The following LAMC1 variants were observed in gnomAD, a reference collection of about 807,000 sequenced individuals.
LAMC1 encodes the protein laminin subunit gamma-1.
Under a neutral mutation model 173.6 loss-of-function variants are expected in LAMC1, and 38 were observed. The observed-to-expected ratio is 0.22, with a 90% CI of 0.17 to 0.29. The LOEUF (loss-of-function observed/expected upper bound fraction) is 0.29. LAMC1 is among the 10% of genes least tolerant of loss of function. The pLI, the probability that LAMC1 is intolerant of heterozygous loss-of-function variation, is 1.00. For synonymous variants in LAMC1, 746 were observed against 749.1 expected (o/e 1.00, Z 0.07); for missense variants, 1,824 against 2,051.8 (o/e 0.89, Z 2.14).
chr1:183,077,776 G>GTGTGTGTGTGTGTGTGTGTATA, intron 1 of LAMC1, among the ~76,000 whole-genome samples: 2 of 116,522 alleles, frequency 1.7e-5, no homozygotes, highest in African/African-American at 5.8e-5. Context: ...TGGCCATTGT[G>GTGTGTGTGTGTGTGTGTGTATA]TATATATATA....
chr1:183,081,584 ATAAATAAAT>A (rs1312817046), intron 1 of LAMC1, among the ~76,000 whole-genome samples: 2 of 151,314 alleles, frequency 1.3e-5, no homozygotes, highest in Non-Finnish European at 2.9e-5. Flanking sequence ...AAATAAATAA[ATAAATAAAT>A]AAATAAATAA....
At chr1:183,096,464 G>C (rs530753887) in intron 1 of LAMC1, 2 of 152,220 alleles carry the variant, frequency 1.3e-5, no homozygotes, top group East Asian at 1.9e-4. Flanking sequence ...ATAGAATTGA[G>C]ACTTTCCATA....
chr1:183,038,879 G>A (rs1018381310), intron 1 of LAMC1, among the ~76,000 whole-genome samples: 1 of 151,884 alleles, frequency 6.6e-6, no homozygotes, highest in Non-Finnish European at 1.5e-5. Context: ...AAAATATTTG[G>A]CTAACTAGAA....
intron 18 of LAMC1, among the ~76,000 whole-genome samples, chr1:183,129,134 G>A (rs1656711587): frequency 7.3e-6 from 1 of 137,372 alleles, no homozygotes; most frequent in African/African-American, 2.8e-5. Context: ...TGCCCAGGCT[G>A]GAGTGCAGTG....
chr1:183,082,026 T>TA (rs2102051316), intron 1 of LAMC1, among the ~76,000 whole-genome samples: 1 of 152,354 alleles, frequency 6.6e-6, no homozygotes, highest in East Asian at 1.9e-4. Context: ...TTCATCTACT[T>TA]ATATGCATTT....
intron 1 of LAMC1, among the ~76,000 whole-genome samples, chr1:183,077,691 A>G (rs545902758): frequency 4.0e-5 from 6 of 149,760 alleles, no homozygotes; most frequent in Non-Finnish European, 7.4e-5. Context: ...CACTTAGAAT[A>G]AGAGTCTTCA....
At chr1:183,117,791 T>A in intron 10 of LAMC1, 68 bp downstream of exon 10, 1 of 1,367,050 alleles carries the variant, frequency 7.3e-7, no homozygotes, top group Non-Finnish European at 1.0e-6. Context: ...TATTTAAGTT[T>A]AACTGGCCTC....
rs563752886 is a variant in LAMC1 at position 183,077,171 on chromosome 1, C to CT, written c.419-26148dup. Among the ~76,000 whole-genome samples, 911 of 151,380 alleles carry CT rather than the reference C, an allele frequency of 6.0e-3. 26 individuals carry two copies. The highest frequency in any genetic ancestry group is 0.051 in the Admixed American group (776 of 15,174). ...AACCCAACTTGCCCCTGCATTTCTC[C>CT]TTTTTTTTTGAAAAGCATGGATGCT... is the stretch of plus-strand genomic sequence containing the variant. On this transcript the variant is annotated intron_variant, in intron 1 of 27. Coordinates refer to ENST00000258341, the MANE Select transcript of LAMC1 (RefSeq NM_002293.4).
rs1370745120 is a variant in LAMC1 at position 183,143,612 on chromosome 1, A to T, written c.*822A>T. 1 of 152,314 alleles carries T rather than the reference A, an allele frequency of 6.6e-6. No individual in the cohort carries two copies. The highest frequency in any genetic ancestry group is 1.9e-4 in the East Asian group (1 of 5,206). The allele number at this position is 152,314 out of a possible 1,614,324, so 9.4% of individuals were successfully genotyped here. ...TGGAACTTACACAGAAGAAATAGGG[A>T]TATGATAACCACTAAAATTTTGTTT... On this transcript the variant is annotated 3_prime_UTR_variant, in exon 28 of 28. Coordinates refer to ENST00000258341, the MANE Select transcript of LAMC1 (RefSeq NM_002293.4).
At chr1:183,047,247 C>T (rs1457894273) in intron 1 of LAMC1, among the ~76,000 whole-genome samples, 2 of 152,092 alleles carry the variant, frequency 1.3e-5, no homozygotes, top group South Asian at 2.1e-4. Flanking sequence ...TTGATTAATA[C>T]ATGTATTTCC....
rs796592939 is a variant in LAMC1, at chr1:183,077,772, T to TTGTGTGTGTGTGTGTGTG, written c.419-25551_419-25550insGTGTGTGTGTGTGTGTGT. On this transcript the variant is annotated intron_variant, in intron 1 of 27. Transcript: ENST00000258341. The stretch of plus-strand genomic sequence containing the variant: ...TGGCTGAATAGTATTTTTATGGCCA[T>TTGTGTGTGTGTGTGTGTG]TGTGTATATATATATATATATATAC... 1.2e-3 allele frequency among the ~76,000 whole-genome samples: 92 copies of TTGTGTGTGTGTGTGTGTG among 78,368 alleles called. 1 individual carries two copies. Among genetic ancestry groups the TTGTGTGTGTGTGTGTGTG allele is most frequent in the African/African-American group, 3.1e-3 (89 of 28,320 alleles). 51.4% of individuals were successfully genotyped at this position (78,368 alleles called of 152,430 possible).
Position 183,024,041 on chromosome 1 carries a change from TACA to T in LAMC1, c.331_333del (p.Asn111del), listed in dbSNP as rs1337846423. On this transcript the variant is annotated inframe_deletion, in exon 1 of 28. Transcript: ENST00000258341. ...GCACGGGGCAGCCTTCCTGACCGAC[TACA>T]ACAACCAGGCCGACACCACCTGGTG... The T allele has an allele frequency of 3.7e-6, 6 of 1,612,800 alleles. No homozygotes were observed. The highest frequency in any genetic ancestry group is 5.1e-6 in the Non-Finnish European group (6 of 1,179,730).
intron 1 of LAMC1, among the ~76,000 whole-genome samples, chr1:183,025,086 C>G (rs534876837): frequency 6.6e-6 from 1 of 152,228 alleles, no homozygotes; most frequent in Admixed American, 6.5e-5. Context: ...TGACTTAACA[C>G]TTCACTCCCC....
chr1:183,140,245 C>CAA (rs56152259), intron 26 of LAMC1, among the ~76,000 whole-genome samples, 159 bp from the exon 27 acceptor site: 960 of 52,886 alleles, frequency 0.018, 44 homozygotes, highest in African/African-American at 0.061. Flanking sequence ...GCAGCCCCAC[C>CAA]AAAAAAAAAA....
intron 4 of LAMC1, among the ~76,000 whole-genome samples, chr1:183,112,656 T>G (rs765224045): frequency 1.3e-5 from 2 of 152,124 alleles, no homozygotes; most frequent in African/African-American, 2.4e-5. Context: ...GACAGTGGTG[T>G]TATTCTGCTT....
chr1:183,114,784 CTTTGTTTCCAAGGCA>C, intron 5 of LAMC1, 65 bp downstream of exon 5: 1 of 1,506,508 alleles, frequency 6.6e-7, no homozygotes. Flanking sequence ...GAAAGGAAAG[CTTTGTTTCCAAGGCA>C]TTTGGACAAC....
At chr1:183,100,030 G>A (rs1655792739) in intron 1 of LAMC1, among the ~76,000 whole-genome samples, 1 of 152,120 alleles carries the variant, frequency 6.6e-6, no homozygotes, top group Admixed American at 6.5e-5. Flanking sequence ...CCACCTCATG[G>A]AATGGGAAAA....
chr1:183,125,597 T>C (rs961925982), intron 15 of LAMC1, 47 bp downstream of exon 15: 3 of 1,417,618 alleles, frequency 2.1e-6, no homozygotes, highest in Non-Finnish European at 2.9e-6. Context: ...CTTTTTCTGT[T>C]ATAAAAAATG....
chr1:183,093,654 A>G (rs1239801559), intron 1 of LAMC1, among the ~76,000 whole-genome samples: 2 of 152,114 alleles, frequency 1.3e-5, no homozygotes, highest in Admixed American at 6.6e-5. Flanking sequence ...CCAGACTTTT[A>G]TATCCTACCT....
Sources: gnomAD v4.1 joint callset for allele counts (sites outside exome capture counted in the v4.1 genomes callset) on GRCh38, gnomAD v4.1.1 for gene constraint, MANE v1.5 for transcripts, NCBI Gene and HGNC (gene_info 2026-07-23, HGNC 2026-07-21) for gene names.